Variants in NT5M observed in about 807,000 individuals in gnomAD.
NT5M encodes 5',3'-nucleotidase, mitochondrial, also known as 5'(3')-deoxyribonucleotidase, mitochondrial.
NT5M carries 22 observed loss-of-function variants against 22.2 expected under a neutral mutation model. The observed-to-expected ratio is 0.99, with a 90% CI of 0.71 to 1.41. NT5M has a LOEUF of 1.41. Among genes scored for constraint, NT5M ranks in the 40% most tolerant of loss-of-function variants. The pLI is 0.00. For missense variants in NT5M, 322 were observed against 314.8 expected, an observed-to-expected ratio of 1.02 and a Z score of -0.17; for synonymous variants, 167 against 133.0, an observed-to-expected ratio of 1.26 and a Z score of -1.76.
At chr17:17,320,221 A>G (rs570272787) in intron 2 of NT5M, among the ~76,000 whole-genome samples, 4 of 152,332 alleles carry the variant, frequency 2.6e-5, no homozygotes, top group Admixed American at 2.6e-4. Flanking sequence ...TGATTATTAT[A>G]TTATTTATAC....
intron 2 of NT5M, among the ~76,000 whole-genome samples, chr17:17,319,845 C>G (rs1011061481): frequency 6.6e-6 from 1 of 152,082 alleles, no homozygotes; most frequent in Non-Finnish European, 1.5e-5. Flanking sequence ...TTAAATATTT[C>G]TTTCTTTCTT....
At chr17:17,330,353 C>G (rs955630435) in intron 3 of NT5M, among the ~76,000 whole-genome samples, 2 of 150,264 alleles carry the variant, frequency 1.3e-5, no homozygotes, top group African/African-American at 4.9e-5. Context: ...TTCCTCTAAC[C>G]TGAAATAAAA....
At chr17:17,329,214 G>A (rs531269676) in intron 3 of NT5M, among the ~76,000 whole-genome samples, 57 of 152,254 alleles carry the variant, frequency 3.7e-4, no homozygotes, top group Non-Finnish European at 6.6e-4. Context: ...TCCTGACCTC[G>A]TGATCTGCCC....
chr17:17,322,794 C>G (rs2049178172), intron 2 of NT5M, among the ~76,000 whole-genome samples: 1 of 152,148 alleles, frequency 6.6e-6, no homozygotes, highest in Non-Finnish European at 1.5e-5. Context: ...CAAGGCCAAG[C>G]CTGTGTTTCA....
intron 2 of NT5M, among the ~76,000 whole-genome samples, chr17:17,310,823 T>C (rs2048908474): frequency 6.6e-6 from 1 of 152,000 alleles, no homozygotes; most frequent in East Asian, 1.9e-4. Flanking sequence ...TTCACACCAC[T>C]GCACTCCAGC....
chr17:17,314,119 C>T (rs534996420), intron 2 of NT5M, among the ~76,000 whole-genome samples: 5 of 151,232 alleles, frequency 3.3e-5, no homozygotes, highest in South Asian at 4.2e-4. Flanking sequence ...CTACAACCTC[C>T]GCCTCCCGGG....
At chr17:17,321,258 G>A (rs879352665) in intron 2 of NT5M, among the ~76,000 whole-genome samples, 2 of 152,102 alleles carry the variant, frequency 1.3e-5, no homozygotes, top group African/African-American at 2.4e-5. Flanking sequence ...TGAGGTTCAT[G>A]GAGGAGGATA....
intron 3 of NT5M, among the ~76,000 whole-genome samples, chr17:17,334,873 A>G (rs1174435645): frequency 3.3e-5 from 5 of 152,154 alleles, no homozygotes; most frequent in Admixed American, 2.6e-4. Context: ...TTATATTTCT[A>G]TAGAATGTTT....
At position 17,303,384 on chromosome 17, in the gene NT5M, G is replaced by T. The variant is rs2048720468; in HGVS notation, c.-167G>T. On this transcript the variant is annotated 5_prime_UTR_variant, in exon 1 of 5. Transcript: ENST00000389022. Reference sequence around the variant, plus strand: ...CGCGCCGCGGCCTCGCTCTGGGGCCGGTACTTGCGCGCCCGCACCCCGCGC... The same window carrying T: ...CGCGCCGCGGCCTCGCTCTGGGGCCTGTACTTGCGCGCCCGCACCCCGCGC... The T allele has an allele frequency of 3.7e-6, 3 of 813,614 alleles. No homozygotes were observed. Among genetic ancestry groups the T allele is most frequent in the Admixed American group, 6.1e-5 (1 of 16,452 alleles). The allele number at this position is 813,614 out of a possible 1,614,324, so 50.4% of individuals were successfully genotyped here. A position where few individuals can be genotyped will look rare whatever the true frequency, so the allele number is the denominator to read the frequency against.
chr17:17,315,881 AGCT>A (rs973585115), intron 2 of NT5M, among the ~76,000 whole-genome samples: 2 of 149,452 alleles, frequency 1.3e-5, no homozygotes, highest in African/African-American at 4.9e-5. Flanking sequence ...CCTCCCAAGT[AGCT>A]GGGACTACAG....
At chr17:17,322,379 A>G (rs2049168989) in intron 2 of NT5M, among the ~76,000 whole-genome samples, 1 of 151,972 alleles carries the variant, frequency 6.6e-6, no homozygotes, top group Non-Finnish European at 1.5e-5. Context: ...GTGTGAGGCC[A>G]GTTTTGGTTG....
intron 3 of NT5M, among the ~76,000 whole-genome samples, chr17:17,334,559 A>G (rs1341562222): frequency 2.7e-5 from 4 of 146,320 alleles, no homozygotes; most frequent in African/African-American, 5.1e-5. Flanking sequence ...GCTCACTGCA[A>G]CCTCCTACTG....
At chr17:17,326,354 T>A (rs2049265868) in intron 3 of NT5M, among the ~76,000 whole-genome samples, 1 of 152,162 alleles carries the variant, frequency 6.6e-6, no homozygotes. Flanking sequence ...GCCAGTGTGT[T>A]CCCCTGGAGG....
chr17:17,322,603 C>T (rs569003616), intron 2 of NT5M, among the ~76,000 whole-genome samples: 69 of 152,318 alleles, frequency 4.5e-4, no homozygotes, highest in African/African-American at 1.6e-3. Flanking sequence ...GTGCAGGAGG[C>T]ACAGGCTCCA....
At chr17:17,324,602 G>A (rs2145379596) in intron 3 of NT5M, among the ~76,000 whole-genome samples, 1 of 152,004 alleles carries the variant, frequency 6.6e-6, no homozygotes, top group African/African-American at 2.4e-5. Flanking sequence ...GCATTATGTG[G>A]GTGCTTGGTG....
At chr17:17,346,727 G>C in intron 4 of NT5M, 78 bp from the exon 5 acceptor site, 1 of 1,570,776 alleles carries the variant, frequency 6.4e-7, no homozygotes, top group Admixed American at 1.7e-5. Context: ...ATGCCTGCCT[G>C]GATACCCAGG....
chr17:17,342,316 C>T (rs779721106), intron 3 of NT5M, among the ~76,000 whole-genome samples: 26 of 152,196 alleles, frequency 1.7e-4, no homozygotes, highest in Non-Finnish European at 2.2e-4. Context: ...GCCTCCATTT[C>T]TTCATCTGTA....
chr17:17,345,011 A>G, intron 4 of NT5M, 103 bp downstream of exon 4: 1 of 1,515,432 alleles, frequency 6.6e-7, no homozygotes, highest in South Asian at 1.2e-5. Flanking sequence ...CCACTTAGTC[A>G]CCAGCTGTTT....
rs1233236892 is a variant in NT5M, at chr17:17,303,403, C to CCCGCGCTCCCCG, written c.-145_-134dup. The CCCGCGCTCCCCG allele has an allele frequency of 1.3e-5, 12 of 945,570 alleles. No homozygotes were observed. Among genetic ancestry groups the CCCGCGCTCCCCG allele is most frequent in the Middle Eastern group, 1.1e-3 (2 of 1,888 alleles). The allele number at this position is 945,570 out of a possible 1,614,324, so 58.6% of individuals were successfully genotyped here. ...GGGGCCGGTACTTGCGCGCCCGCACCCCGCGCTCCCCGCCCCGCTCCCCGT... is the reference window on the plus strand; with the variant it reads ...GGGGCCGGTACTTGCGCGCCCGCACCCCGCGCTCCCCGCCGCGCTCCCCGCCCCGCTCCCCGT... On this transcript the variant is annotated 5_prime_UTR_variant, in exon 1 of 5. Coordinates refer to ENST00000389022, the MANE Select transcript of NT5M (RefSeq NM_020201.4).
Sources: gnomAD v4.1 joint callset for allele counts (sites outside exome capture counted in the v4.1 genomes callset) on GRCh38, gnomAD v4.1.1 for gene constraint, MANE v1.5 for transcripts, NCBI Gene and HGNC (gene_info 2026-07-23, HGNC 2026-07-21) for gene names.